Variants in SOS1 observed in about 807,000 individuals in gnomAD.
SOS1 encodes SOS Ras/Rac guanine nucleotide exchange factor 1, also known as son of sevenless homolog 1.
Under a neutral mutation model 157.6 loss-of-function variants are expected in SOS1, and 25 were observed. The observed-to-expected ratio is 0.16, with a 90% CI of 0.12 to 0.22. The LOEUF (loss-of-function observed/expected upper bound fraction) is 0.22, where lower values mean the gene tolerates loss of function less well. Ranked by LOEUF, SOS1 falls within the 10% of genes least tolerant of loss-of-function variation. The pLI, the probability that SOS1 is intolerant of heterozygous loss-of-function variation, is 1.00. For missense variants in SOS1, 1,237 were observed against 1,599.1 expected (o/e 0.77, Z 3.86); for synonymous variants, 528 against 534.0 (o/e 0.99, Z 0.16).
In SOS1 at chr2:38,997,015, C is replaced by A; in HGVS notation, c.2988G>T (p.Pro996=). 1 of 1,593,892 alleles carries A rather than the reference C, an allele frequency of 6.3e-7. No homozygotes were observed. Among genetic ancestry groups the A allele is most frequent in the Non-Finnish European group, 8.6e-7 (1 of 1,162,852 alleles). The part of the protein sequence containing the change: ...DIKRFFENLN[P]MGNSMEKEFT... ...ATTCCTTCTCCATGCTATTTCCCAT[C>A]GGATTCAAGTTTTCAAAGAACCTCT... Residue 996 remains proline (P), a synonymous_variant, in exon 19 of 23, where the codon CCG becomes CCT. Coordinates refer to ENST00000402219, the MANE Select transcript of SOS1 (RefSeq NM_005633.4).
Position 38,984,494 on chromosome 2 carries a change from A to AACTT in SOS1, c.*1326_*1329dup, listed in dbSNP as rs1162207248. On this transcript the variant is annotated 3_prime_UTR_variant, in exon 23 of 23. Coordinates refer to ENST00000402219, the MANE Select transcript of SOS1 (RefSeq NM_005633.4). ...GTATACTTGTTGCTTAGGAACTTAA[A>AACTT]ACTTACTTACAAAGTTCTGCTTAAA... 6 of 149,216 alleles carry AACTT rather than the reference A, an allele frequency of 4.0e-5. No individual in the cohort carries two copies. The highest frequency in any genetic ancestry group is 5.2e-5 in the African/African-American group (2 of 38,672). The allele number at this position is 149,216 out of a possible 1,614,324, so 9.2% of individuals were successfully genotyped here.
chr2:38,993,851 G>C (rs556041898), intron 20 of SOS1: 3 of 152,108 alleles, frequency 2.0e-5, no homozygotes, highest in African/African-American at 7.2e-5. Context: ...GATAGCCAAC[G>C]GTAAGGGCAT....
intron 2 of SOS1, among the ~76,000 whole-genome samples, chr2:39,059,588 A>C (rs1053422681): frequency 7.2e-5 from 11 of 152,354 alleles, no homozygotes; most frequent in Admixed American, 4.6e-4. Flanking sequence ...ATGTGTTTTG[A>C]ATAAATGAGT....
At chr2:39,083,194 C>T (rs913824335) in intron 1 of SOS1, among the ~76,000 whole-genome samples, 5 of 152,040 alleles carry the variant, frequency 3.3e-5, no homozygotes, top group East Asian at 1.9e-4. Context: ...TGACCCAATT[C>T]GGATGATTAA....
intron 10 of SOS1, among the ~76,000 whole-genome samples, chr2:39,015,643 T>G (rs1669605406): frequency 6.6e-6 from 1 of 151,898 alleles, no homozygotes; most frequent in African/African-American, 2.4e-5. Context: ...CTTAACAGTA[T>G]TATCCTAAGT....
At chr2:39,005,130 A>C (rs1212931659) in intron 17 of SOS1, among the ~76,000 whole-genome samples, 1 of 152,184 alleles carries the variant, frequency 6.6e-6, no homozygotes, top group Non-Finnish European at 1.5e-5. Context: ...ACATACATAC[A>C]TACGTATGAG....
intron 6 of SOS1, among the ~76,000 whole-genome samples, chr2:39,040,617 C>T (rs867280550): frequency 1.3e-5 from 2 of 152,146 alleles, no homozygotes; most frequent in Non-Finnish European, 2.9e-5. Flanking sequence ...ATTAGCATAA[C>T]GTTTCCAAGG....
Position 39,012,108 on chromosome 2 carries a change from G to C in SOS1, c.2390+18C>G, listed in dbSNP as rs1263797889. The C allele has an allele frequency of 3.9e-6, 6 of 1,532,284 alleles. No homozygotes were observed. Among genetic ancestry groups the C allele is most frequent in the Non-Finnish European group, 5.4e-6 (6 of 1,105,610 alleles). The allele number at this position is 1,532,284 out of a possible 1,614,324, so 94.9% of individuals were successfully genotyped here. On this transcript the variant is annotated intron_variant, in intron 14 of 22. Coordinates refer to ENST00000402219, the MANE Select transcript of SOS1 (RefSeq NM_005633.4). ...CTCTTTTGAAATGACTTTTCAACTT[G>C]AATGTTAAATTACATACCGGTATAG... is the stretch of plus-strand genomic sequence containing the variant.
At chr2:39,082,841 T>C (rs1672254472) in intron 1 of SOS1, 1 of 152,222 alleles carries the variant, frequency 6.6e-6, no homozygotes, top group African/African-American at 2.4e-5. Context: ...AATTGTACTT[T>C]GGGGCATACA....
intron 2 of SOS1, among the ~76,000 whole-genome samples, chr2:39,066,717 T>C (rs1377861): frequency 0.93 from 142,057 of 152,256 alleles, 66,370 homozygotes; most frequent in African/African-American, 0.97. Context: ...GATTACACAA[T>C]CTCCTTCCTA....
At chr2:39,058,918 A>G in intron 2 of SOS1, 114 bp from the exon 3 acceptor site, 4 of 774,732 alleles carry the variant, frequency 5.2e-6, no homozygotes, top group South Asian at 1.7e-5. Flanking sequence ...CACATGTGGT[A>G]TAATTTACAT....
In SOS1 at chr2:39,013,470, T is replaced by C. The variant is rs1447319880; in HGVS notation, c.2157A>G (p.Gly719=). 1 of 1,604,620 alleles carries C rather than the reference T, an allele frequency of 6.2e-7. No homozygotes were observed. The highest frequency in any genetic ancestry group is 1.7e-5 in the Admixed American group (1 of 59,956). The change falls in exon 13 of 23, where the codon GGA becomes GGG. Residue 719 remains glycine (G), a synonymous_variant. Coordinates refer to ENST00000402219, the MANE Select transcript of SOS1 (RefSeq NM_005633.4). ...AAAAAAAAAACATACCTCTTACTGT[T>C]CCAATAAATTCTTCCATTCGTTGCA... ...YLLQRMEEFI[G]TVRGKAMKKW...
Position 39,058,738 on chromosome 2 carries a change from T to C in SOS1, c.280A>G (p.Ile94Val), listed in dbSNP as rs144757941. 21 of 1,612,358 alleles carry C rather than the reference T, an allele frequency of 1.3e-5. No individual in the cohort carries two copies. In the African/African-American group the frequency reaches 2.3e-4, roughly 17 times the overall value. Residue 94 changes from isoleucine (I) to valine (V), a missense_variant, in exon 3 of 23, where the codon ATT (isoleucine) becomes GTT (valine). Ile to Val is a conservative substitution (Grantham distance 29). Transcript: ENST00000402219. ...GGGTTTCTTCGCTTCCTCTTTTCAA[T>C]AGCTGATTGGGCATCAGCTATTGCC... ...KWAIADAQSA[I>V]EKRKRRNPLS...
chr2:39,027,842 T>C (rs991102055), intron 8 of SOS1, among the ~76,000 whole-genome samples: 3 of 151,884 alleles, frequency 2.0e-5, no homozygotes, highest in Non-Finnish European at 4.4e-5. Flanking sequence ...TTTTTTTTTT[T>C]TTTTGAGATG....
chr2:39,122,232 C>T (rs1673914741), upstream of SOS1, among the ~76,000 whole-genome samples: 2 of 151,664 alleles, frequency 1.3e-5, no homozygotes, highest in South Asian at 4.2e-4. Flanking sequence ...GAGTTCCAGA[C>T]TAGCCTGGCC....
chr2:39,053,816 G>A (rs890122705), intron 5 of SOS1, among the ~76,000 whole-genome samples: 1 of 151,772 alleles, frequency 6.6e-6, no homozygotes. Context: ...CCCTTCCTTT[G>A]TGCTCCCAAT....
intron 5 of SOS1, among the ~76,000 whole-genome samples, chr2:39,054,076 C>T (rs371617840): frequency 2.6e-5 from 4 of 152,170 alleles, no homozygotes; most frequent in African/African-American, 7.2e-5. Context: ...TACAGACGCT[C>T]GCCACCACGC....
chr2:39,033,970 T>A (rs1670256546), intron 8 of SOS1, among the ~76,000 whole-genome samples: 1 of 152,088 alleles, frequency 6.6e-6, no homozygotes, highest in Non-Finnish European at 1.5e-5. Context: ...AAAGAAAAAT[T>A]CTATATAACA....
intron 6 of SOS1, among the ~76,000 whole-genome samples, chr2:39,046,965 C>T (rs987224169): frequency 6.6e-6 from 1 of 152,266 alleles, no homozygotes. Flanking sequence ...TTATTCCTCA[C>T]TTCTTCCTCA....
Sources: allele counts gnomAD v4.1 joint callset (sites outside exome capture counted in the v4.1 genomes callset), GRCh38; gene constraint gnomAD v4.1.1; transcripts MANE v1.5; gene names NCBI Gene and HGNC (gene_info 2026-07-23, HGNC 2026-07-21).